RGS7: variants seen among roughly 807,000 people sequenced by gnomAD.
The protein encoded by RGS7 is regulator of G-protein signaling 7.
Under a neutral mutation model 81.1 loss-of-function variants are expected in RGS7, and 27 were observed. The ratio of observed to expected loss-of-function variants is 0.33; its 90% CI spans 0.25 to 0.46. The LOEUF is 0.46. Ranked by LOEUF, RGS7 falls within the 20% of genes least tolerant of loss-of-function variation. The pLI is 1.00. For synonymous variants in RGS7, 208 were observed against 207.7 expected (o/e 1.00, Z -0.01); for missense variants, 396 against 607.4 (o/e 0.65, Z 3.66).
In RGS7 at chr1:240,801,789, C is replaced by G. The variant is rs12127731; in HGVS notation, c.1360-281G>C. 5.3e-3 allele frequency among the ~76,000 whole-genome samples: 810 copies of G among 152,226 alleles called. 6 individuals are homozygous for G. Among genetic ancestry groups the G allele is most frequent in the Middle Eastern group, 0.01 (3 of 294 alleles). Reference sequence around the variant, plus strand: ...GCCAAAATAAAGTGGATATGTGAAGCCTTTATACTGACATTTGCAGAGCCT... The same window carrying G: ...GCCAAAATAAAGTGGATATGTGAAGGCTTTATACTGACATTTGCAGAGCCT... On this transcript the variant is annotated intron_variant, in intron 16 of 18. Coordinates refer to ENST00000440928, the MANE Select transcript of RGS7 (RefSeq NM_001364886.1).
intron 6 of RGS7, among the ~76,000 whole-genome samples, chr1:240,907,067 T>C (rs1250285378): frequency 1.3e-5 from 2 of 152,172 alleles, no homozygotes; most frequent in Non-Finnish European, 2.9e-5. Flanking sequence ...TTCCTGTAGA[T>C]CTCCGGACTT....
intron 3 of RGS7, among the ~76,000 whole-genome samples, chr1:241,046,970 C>T (rs2060962035): frequency 6.6e-6 from 1 of 152,122 alleles, no homozygotes; most frequent in Admixed American, 6.6e-5. Flanking sequence ...TGCCAGTGGA[C>T]CTCCTCCAAA....
At chr1:241,156,175 T>G (rs1424552325) in intron 2 of RGS7, among the ~76,000 whole-genome samples, 48 of 150,790 alleles carry the variant, frequency 3.2e-4, no homozygotes, top group African/African-American at 1.2e-3. Context: ...GATAGATACA[T>G]ATACATAGAC....
intron 2 of RGS7, among the ~76,000 whole-genome samples, chr1:241,338,890 TATTA>T (rs2082383984): frequency 1.3e-5 from 2 of 152,032 alleles, no homozygotes; most frequent in African/African-American, 4.8e-5. Context: ...GCCTTGCACA[TATTA>T]ATTTTTTTTA....
At chr1:240,812,125 A>G in intron 13 of RGS7, 82 bp from the exon 14 acceptor site, 1 of 1,498,280 alleles carries the variant, frequency 6.7e-7, no homozygotes, top group Non-Finnish European at 9.3e-7. Flanking sequence ...CTTCAAAATC[A>G]TGTGTGCCTC....
chr1:241,080,170 T>A (rs1257233641), intron 3 of RGS7, among the ~76,000 whole-genome samples: 1 of 151,674 alleles, frequency 6.6e-6, no homozygotes, highest in Non-Finnish European at 1.5e-5. Flanking sequence ...AAAATTAATA[T>A]CAATAGATAA....
chr1:240,950,223 G>A (rs1389488417), intron 4 of RGS7, among the ~76,000 whole-genome samples: 2 of 152,166 alleles, frequency 1.3e-5, no homozygotes, highest in Admixed American at 1.3e-4. Context: ...GCCTTCATGA[G>A]CTACACTTCC....
In RGS7 at chr1:241,098,285, A is replaced by G. The variant is rs542250067; in HGVS notation, c.175+381T>C. Among the ~76,000 whole-genome samples the G allele has an allele frequency of 1.1e-4, 17 of 152,234 alleles. No individual in the cohort carries two copies. The South Asian group carries it at 3.3e-3, about 30-fold the overall frequency. ...CTCTTCCTCATCTTTCAAACAGCTC[A>G]CCACTGCTCTGCAGAAACCCTTTCC... On this transcript the variant is annotated intron_variant, in intron 3 of 18. Transcript: ENST00000440928.
chr1:240,918,278 T>C (rs1297684188), intron 6 of RGS7, among the ~76,000 whole-genome samples: 1 of 152,112 alleles, frequency 6.6e-6, no homozygotes, highest in African/African-American at 2.4e-5. Flanking sequence ...ATAGAATAAT[T>C]AATGCAACAG....
At position 240,919,837 on chromosome 1, in the gene RGS7, C is replaced by T. The variant is rs1572764194; in HGVS notation, c.385+10880G>A. ...ATGGGCTTTGGGTTTGTCACATAGG[C>T]CACTGTGGAGAATGGGGATGTGGCC... On this transcript the variant is annotated intron_variant, in intron 6 of 18. Coordinates refer to ENST00000440928, the MANE Select transcript of RGS7 (RefSeq NM_001364886.1). 7 of 779,370 alleles carry T rather than the reference C, an allele frequency of 9.0e-6. No homozygotes were observed. The Admixed American group carries it at 1.2e-4, about 13-fold the overall frequency. 48.3% of individuals were successfully genotyped at this position (779,370 alleles called of 1,614,324 possible).
At chr1:241,152,330 T>C (rs192004125) in intron 2 of RGS7, among the ~76,000 whole-genome samples, 1 of 152,254 alleles carries the variant, frequency 6.6e-6, no homozygotes, top group Non-Finnish European at 1.5e-5. Context: ...ATGTTTATTA[T>C]TTTAAAGTAG....
chr1:241,165,074 C>T (rs557201291), intron 2 of RGS7, among the ~76,000 whole-genome samples: 2 of 152,284 alleles, frequency 1.3e-5, no homozygotes, highest in South Asian at 4.1e-4. Context: ...TGGCAAGGAG[C>T]TAGAAGACTT....
At position 241,327,528 on chromosome 1, in the gene RGS7, C is replaced by T. The variant is rs148735042; in HGVS notation, c.78+28171G>A. On this transcript the variant is annotated intron_variant, in intron 2 of 18. Coordinates refer to ENST00000440928, the MANE Select transcript of RGS7 (RefSeq NM_001364886.1). ...ACATCAGTTGTTACTTGAGCTCCAT[C>T]ATGTGTCATTATTATAATGACAGAA... Among the ~76,000 whole-genome samples the T allele has an allele frequency of 6.8e-3, 1,033 of 152,256 alleles. 7 individuals carry two copies. The highest frequency in any genetic ancestry group is 0.01 in the Middle Eastern group (3 of 294).
intron 2 of RGS7, among the ~76,000 whole-genome samples, chr1:241,346,677 C>T (rs950954420): frequency 1.3e-5 from 2 of 152,154 alleles, no homozygotes; most frequent in Non-Finnish European, 1.5e-5. Context: ...ACTCAGTCTG[C>T]GTAAGTTGCC....
chr1:241,264,168 G>C (rs1169220198), intron 2 of RGS7, among the ~76,000 whole-genome samples: 1 of 152,014 alleles, frequency 6.6e-6, no homozygotes, highest in Non-Finnish European at 1.5e-5. Context: ...CAAATAATTT[G>C]AACAAATTTC....
intron 2 of RGS7, among the ~76,000 whole-genome samples, chr1:241,312,357 G>C (rs2080589021): frequency 6.6e-6 from 1 of 152,076 alleles, no homozygotes; most frequent in South Asian, 2.1e-4. Flanking sequence ...TGTAGATATT[G>C]CATTTTTTAT....
chr1:241,198,346 G>A (rs1430488616), intron 2 of RGS7, among the ~76,000 whole-genome samples: 3 of 151,896 alleles, frequency 2.0e-5, no homozygotes, highest in Non-Finnish European at 2.9e-5. Context: ...TAAAAAATAA[G>A]AGTGGAAATC....
rs960409220 is a variant in RGS7, at chr1:240,930,612, G to A, written c.385+105C>T. On this transcript the variant is annotated intron_variant, in intron 6 of 18. Coordinates refer to ENST00000440928, the MANE Select transcript of RGS7 (RefSeq NM_001364886.1). ...GTTAAAAATATTGGTCCCATCCTGAGAACTGTGGTTTCCTTTTCTTAATGA... is the reference window on the plus strand; with the variant it reads ...GTTAAAAATATTGGTCCCATCCTGAAAACTGTGGTTTCCTTTTCTTAATGA... The A allele has an allele frequency of 2.8e-6, 3 of 1,084,154 alleles. No homozygotes were observed. The African/African-American group carries it at 4.7e-5, about 17-fold the overall frequency. The allele number at this position is 1,084,154 out of a possible 1,614,324, so 67.2% of individuals were successfully genotyped here.
intron 4 of RGS7, among the ~76,000 whole-genome samples, chr1:240,949,369 C>T (rs1048064709): frequency 5.9e-5 from 9 of 152,120 alleles, no homozygotes; most frequent in African/African-American, 2.2e-4. Context: ...ATCCATCCAC[C>T]CATCTGCTAT....
Sources: gnomAD v4.1 joint callset for allele counts (sites outside exome capture counted in the v4.1 genomes callset) on GRCh38, gnomAD v4.1.1 for gene constraint, MANE v1.5 for transcripts, NCBI Gene and HGNC (gene_info 2026-07-23, HGNC 2026-07-21) for gene names.